The following REXO1 variants were observed in gnomAD, a reference collection of about 807,000 sequenced individuals.
The protein encoded by REXO1 is REX1, RNA exonuclease 1 homolog.
A neutral mutation model predicts 102.6 loss-of-function variants in REXO1; 42 were observed. The observed-to-expected ratio is 0.41, with a 90% CI of 0.32 to 0.53. REXO1 has a LOEUF of 0.53. Ranked by LOEUF, REXO1 falls within the 20% of genes least tolerant of loss-of-function variation. The pLI is 0.27. For synonymous variants in REXO1, 908 were observed against 779.1 expected (o/e 1.17, Z -2.76); for missense variants, 1,819 against 1,732.5 (o/e 1.05, Z -0.89).
rs1053690454 is a variant in REXO1 at position 1,821,822 on chromosome 19, G to A, written c.2231-140C>T. On this transcript the variant is annotated intron_variant, in intron 4 of 15. Coordinates refer to ENST00000170168, the MANE Select transcript of REXO1 (RefSeq NM_020695.4). The stretch of plus-strand genomic sequence containing the variant: ...GGGGGCCGGGCCAGGGTGAGGGGCT[G>A]GGGCTGCGCAATGGCATCAGGCTCT... 4 of 733,516 alleles carry A rather than the reference G, an allele frequency of 5.5e-6. No homozygotes were observed. In the African/African-American group the frequency reaches 7.3e-5, roughly 13 times the overall value. 45.4% of individuals were successfully genotyped at this position (733,516 alleles called of 1,614,324 possible). A position where few individuals can be genotyped will look rare whatever the true frequency, so the allele number is the denominator to read the frequency against.
In REXO1 at chr19:1,842,402, C is replaced by T. The variant is rs1210517117; in HGVS notation, c.157+5800G>A. The stretch of plus-strand genomic sequence containing the variant: ...CCCTCTCTGTGCCTGCACCCCCAAA[C>T]TGGCAACCAAAACATCTCCAGACAT... On this transcript the variant is annotated intron_variant, in intron 1 of 15. Coordinates refer to ENST00000170168, the MANE Select transcript of REXO1 (RefSeq NM_020695.4). 4.6e-5 allele frequency among the ~76,000 whole-genome samples: 7 copies of T among 152,390 alleles called. No individual in the cohort carries two copies. The East Asian group carries it at 1.2e-3, about 25-fold the overall frequency.
Position 1,815,439 on chromosome 19 carries a change from T to G in REXO1, c.*627A>C. ...TCTCAGAGGTCACGGAGTGCAGGGGTGGGGCGGCGAGTGGTGGAAGCCGGC... is the reference window on the plus strand; with the variant it reads ...TCTCAGAGGTCACGGAGTGCAGGGGGGGGGCGGCGAGTGGTGGAAGCCGGC... On this transcript the variant is annotated 3_prime_UTR_variant, in exon 16 of 16. Transcript: ENST00000170168. The surrounding 1 kb of genome is among the most constrained non-coding windows in gnomAD (Gnocchi z 4.0). 5.8e-6 allele frequency: 1 copy of G among 171,490 alleles called. No individual in the cohort carries two copies. Among genetic ancestry groups the G allele is most frequent in the Non-Finnish European group, 1.2e-5 (1 of 80,018 alleles). 10.6% of individuals were successfully genotyped at this position (171,490 alleles called of 1,614,324 possible).
Position 1,826,990 on chromosome 19 carries a change from G to A in REXO1, c.1799C>T (p.Ser600Leu), listed in dbSNP as rs556304915. Residue 600 changes from serine (S) to leucine (L), a missense_variant, in exon 2 of 16, where the codon TCG becomes TTG. Physicochemically the swap from Ser to Leu is moderately radical, Grantham distance 145 (BLOSUM62 -2). Transcript: ENST00000170168. The surrounding 1 kb of genome is among the most constrained non-coding windows in gnomAD (Gnocchi z 4.3). ...AAAGTCCACCTCCTTCTCCAGGGCC[G>A]AGTAGTCCACATCCGCCCCCGCGCT... ...TSSAGADVDY[S>L]ALEKEVDFDS... 37 of 1,558,938 alleles carry A rather than the reference G, an allele frequency of 2.4e-5. No homozygotes were observed. The highest frequency in any genetic ancestry group is 2.4e-4 in the South Asian group (20 of 85,076).
chr19:1,843,056 G>T (rs764598934), intron 1 of REXO1, among the ~76,000 whole-genome samples: 1 of 152,168 alleles, frequency 6.6e-6, no homozygotes, highest in South Asian at 2.1e-4. Flanking sequence ...CAAGAGTCAC[G>T]GGGCAGCAGA....
chr19:1,841,227 G>T (rs1379922293), intron 1 of REXO1, among the ~76,000 whole-genome samples: 2 of 152,168 alleles, frequency 1.3e-5, no homozygotes, highest in Non-Finnish European at 2.9e-5. Flanking sequence ...TTCTTTTCAG[G>T]TTTTTGCTTT....
At chr19:1,839,030 G>A (rs1267292530) in intron 1 of REXO1, among the ~76,000 whole-genome samples, 5 of 151,764 alleles carry the variant, frequency 3.3e-5, no homozygotes, top group East Asian at 1.9e-4. Flanking sequence ...TGAGGCGGGC[G>A]GACTGCCTTG....
chr19:1,845,672 A>C (rs2011504091), intron 1 of REXO1, among the ~76,000 whole-genome samples: 1 of 152,120 alleles, frequency 6.6e-6, no homozygotes, highest in Non-Finnish European at 1.5e-5. Context: ...TCAAAAATTA[A>C]TTCATTAAAT....
chr19:1,816,507 G>C lies in REXO1; in HGVS notation c.3380C>G (p.Ala1127Gly), dbSNP rs765696957. 6.2e-7 allele frequency: 1 copy of C among 1,612,408 alleles called. No homozygotes were observed. The highest frequency in any genetic ancestry group is 2.2e-5 in the East Asian group (1 of 44,834). The change falls in exon 14 of 16, where the codon GCC becomes GGC. Residue 1127 changes from alanine to glycine, a missense_variant. Transcript: ENST00000170168. ...DTSVTLRDVQ[A>G]VLLSMFSADT... ...AGCGCTGAACATGCTCAGCAGAACG[G>C]CCTGGACGTCACGCAGCGTGACACT...
At chr19:1,829,365 A>G (rs1367491853) in intron 1 of REXO1, among the ~76,000 whole-genome samples, 5 of 151,994 alleles carry the variant, frequency 3.3e-5, no homozygotes, top group Non-Finnish European at 7.4e-5. Context: ...CAGCCCCCCA[A>G]GTAGCTGGGA....
At chr19:1,834,383 G>T (rs1431228053) in intron 1 of REXO1, among the ~76,000 whole-genome samples, 1 of 152,190 alleles carries the variant, frequency 6.6e-6, no homozygotes, top group Non-Finnish European at 1.5e-5. Flanking sequence ...CAATCTGGGG[G>T]ACGTGGGCTT....
rs1456341053 is a variant in REXO1 at position 1,827,062 on chromosome 19, G to C, written c.1727C>G (p.Pro576Arg). ...GGAGGAGGAGGATGGGGCGGGGGAG[G>C]GGGGCGGGGAGGCCTTGAGCCGCTT... ...PPKRLKASPP[P>R]SPAPSSSSSS... Residue 576 changes from proline (P) to arginine (R), a missense_variant, in exon 2 of 16, where the codon CCC (proline) becomes CGC (arginine). Physicochemically the swap from Pro to Arg is moderately radical, Grantham distance 103 (BLOSUM62 -2). Transcript: ENST00000170168. 8.5e-6 allele frequency: 8 copies of C among 936,910 alleles called. No individual in the cohort carries two copies. The highest frequency in any genetic ancestry group is 1.4e-5 in the Non-Finnish European group (8 of 592,454). The allele number at this position is 936,910 out of a possible 1,614,324, so 58.0% of individuals were successfully genotyped here. A position where few individuals can be genotyped will look rare whatever the true frequency, so the allele number is the denominator to read the frequency against.
intron 1 of REXO1, among the ~76,000 whole-genome samples, chr19:1,837,116 C>T (rs1030897992): frequency 2.0e-5 from 3 of 152,242 alleles, no homozygotes; most frequent in Non-Finnish European, 4.4e-5. Context: ...GGCTGACCCT[C>T]GCGAAGCGCA....
chr19:1,821,099 G>C (rs1424997993), intron 5 of REXO1, among the ~76,000 whole-genome samples: 1 of 152,118 alleles, frequency 6.6e-6, no homozygotes, highest in Admixed American at 6.5e-5. Flanking sequence ...TGTAATCCCA[G>C]CACTTTGGGA....
intron 1 of REXO1, among the ~76,000 whole-genome samples, chr19:1,833,055 C>A (rs2069948175): frequency 6.6e-6 from 1 of 152,050 alleles, no homozygotes; most frequent in South Asian, 2.1e-4. Flanking sequence ...GACCCCGTCT[C>A]TACAAAAAAA....
At position 1,816,795 on chromosome 19, in the gene REXO1, G is replaced by A; in HGVS notation, c.3220C>T (p.Leu1074=). 2.5e-6 allele frequency: 4 copies of A among 1,612,386 alleles called. 1 individual carries two copies. The highest frequency in any genetic ancestry group is 8.5e-7 in the Non-Finnish European group (1 of 1,179,760). The part of the protein sequence containing the change: ...DCEMSYTTYG[L]ELTRVTVVDT... The stretch of plus-strand genomic sequence containing the variant: ...ACCACCGTGACGCGCGTCAGCTCCA[G>A]GCCATATGTGGTGTAGGACTGCGGG... Residue 1074 remains leucine (L), a synonymous_variant, in exon 13 of 16, where the codon CTG becomes TTG. Coordinates refer to ENST00000170168, the MANE Select transcript of REXO1 (RefSeq NM_020695.4).
chr19:1,822,002 G>T (rs945040661), intron 4 of REXO1: 3 of 533,198 alleles, frequency 5.6e-6, no homozygotes. Flanking sequence ...CCTGGCTCCC[G>T]GACAGAGGAC....
At position 1,827,936 on chromosome 19, in the gene REXO1, T is replaced by G. The variant is rs777591547; in HGVS notation, c.853A>C (p.Arg285=). The change falls in exon 2 of 16, where the codon AGG becomes CGG. Residue 285 remains arginine (R), a synonymous_variant. Transcript: ENST00000170168. The part of the protein sequence containing the change: ...LCDPFGSCDA[R]FSDSEDEAAT... ...GCCTCATCTTCTGAGTCTGAGAACC[T>G]TGCATCGCAACTGCCAAAGGGGTCA... 22 of 1,613,742 alleles carry G rather than the reference T, an allele frequency of 1.4e-5. No individual in the cohort carries two copies. In the South Asian group the frequency reaches 2.3e-4, roughly 17 times the overall value.
chr19:1,816,409 G>A (rs757760339), intron 14 of REXO1, 22 bp downstream of exon 14: 8 of 1,607,566 alleles, frequency 5.0e-6, no homozygotes, highest in Middle Eastern at 1.8e-4. Flanking sequence ...AGAACCGCGC[G>A]GGACCCGGGC....
At position 1,835,876 on chromosome 19, in the gene REXO1, T is replaced by A. The variant is rs536506995; in HGVS notation, c.158-7245A>T. Among the ~76,000 whole-genome samples the A allele has an allele frequency of 6.6e-5, 10 of 152,274 alleles. 1 individual carries two copies. In the South Asian group the frequency reaches 2.1e-3, roughly 32 times the overall value. ...CTTCCCCAGCCTCTCCAGCCAGGGC[T>A]CAGCCCAGGGCAACGCAGCCCAGCC... is the stretch of plus-strand genomic sequence containing the variant. On this transcript the variant is annotated intron_variant, in intron 1 of 15. Transcript: ENST00000170168.
Sources: allele counts gnomAD v4.1 joint callset (sites outside exome capture counted in the v4.1 genomes callset), GRCh38; gene constraint gnomAD v4.1.1; non-coding constraint Gnocchi (gnomAD v3.1); transcripts MANE v1.5; gene names NCBI Gene and HGNC (gene_info 2026-07-23, HGNC 2026-07-21).